Variants in EIF3K observed in about 807,000 individuals in gnomAD.
The protein encoded by EIF3K is eukaryotic translation initiation factor 3 subunit K.
Under a neutral mutation model 34.2 loss-of-function variants are expected in EIF3K, and 27 were observed. The ratio of observed to expected loss-of-function variants is 0.79; its 90% CI spans 0.58 to 1.09. The LOEUF (loss-of-function observed/expected upper bound fraction) is 1.09, where lower values mean the gene tolerates loss of function less well. EIF3K is among the 50% of genes least tolerant of loss of function. The pLI, the probability that EIF3K is intolerant of heterozygous loss-of-function variation, is 0.00. For synonymous variants in EIF3K, 105 were observed against 105.7 expected (o/e 0.99, Z 0.04); for missense variants, 232 against 275.4 (o/e 0.84, Z 1.11).
chr19:38,635,209 C>T, intron 7 of EIF3K, 91 bp downstream of exon 7: 1 of 1,568,998 alleles, frequency 6.4e-7, no homozygotes, highest in South Asian at 1.1e-5. Flanking sequence ...CTGGGTAGAT[C>T]TGCTCGTGTT....
intron 7 of EIF3K, 160 bp downstream of exon 7, chr19:38,635,278 C>A: frequency 9.6e-7 from 1 of 1,040,300 alleles, no homozygotes. Context: ...GGGGCTCCCG[C>A]CCAGGAGGAA....
At chr19:38,624,266 G>C in intron 3 of EIF3K, 69 bp downstream of exon 3, 1 of 1,603,070 alleles carries the variant, frequency 6.2e-7, no homozygotes, top group Non-Finnish European at 8.5e-7. Context: ...TGAATTCCCA[G>C]GGAGATGGTC....
rs573299190 is a variant in EIF3K at position 38,630,211 on chromosome 19, T to G, written c.355-2219T>G. Among the ~76,000 whole-genome samples, 5 of 151,748 alleles carry G rather than the reference T, an allele frequency of 3.3e-5. No individual in the cohort carries two copies. In the East Asian group the frequency reaches 9.7e-4, roughly 29 times the overall value. Reference sequence around the variant, plus strand: ...CTCTGTCGCCCAGGCTAGAGTGCAGTGATATGATCTTGGCTCGCTGCAACC... The same window carrying G: ...CTCTGTCGCCCAGGCTAGAGTGCAGGGATATGATCTTGGCTCGCTGCAACC... On this transcript the variant is annotated intron_variant, in intron 4 of 7. Transcript: ENST00000248342.
At chr19:38,633,629 C>T (rs61231902) in intron 6 of EIF3K, among the ~76,000 whole-genome samples, 81 of 148,958 alleles carry the variant, frequency 5.4e-4, no homozygotes, top group African/African-American at 1.3e-3. Flanking sequence ...ACGCAGGAGG[C>T]GGAGGTTGCA....
At chr19:38,621,903 C>CTTTTTTTTTTTT (rs914363057) in intron 2 of EIF3K, among the ~76,000 whole-genome samples, 1 of 111,478 alleles carries the variant, frequency 9.0e-6, no homozygotes, top group South Asian at 3.0e-4. Context: ...TCTTCGTGCC[C>CTTTTTTTTTTTT]TTTTTTTTTT....
chr19:38,633,472 C>T (rs1976115419), intron 6 of EIF3K, among the ~76,000 whole-genome samples: 3 of 151,978 alleles, frequency 2.0e-5, no homozygotes, highest in Non-Finnish European at 2.9e-5. Flanking sequence ...CCGAGGTGGG[C>T]GGATCATCTG....
intron 3 of EIF3K, among the ~76,000 whole-genome samples, chr19:38,625,099 T>C (rs954412368): frequency 1.3e-5 from 2 of 151,986 alleles, no homozygotes; most frequent in African/African-American, 4.8e-5. Flanking sequence ...CTTTCAGGAA[T>C]GGTAGAGGAA....
chr19:38,632,185 G>A (rs113826334), intron 4 of EIF3K: 5,784 of 478,394 alleles, frequency 0.012, 188 homozygotes, highest in African/African-American at 0.083. Flanking sequence ...AGAGGCCAGC[G>A]TGGGCAGATC....
chr19:38,627,407 G>A (rs929272877), intron 4 of EIF3K, among the ~76,000 whole-genome samples: 30 of 151,656 alleles, frequency 2.0e-4, no homozygotes, highest in African/African-American at 7.2e-4. Flanking sequence ...CTCAACGCCT[G>A]TAATCCCAGC....
Position 38,634,981 on chromosome 19 carries a change from T to C in EIF3K, c.500-12T>C. The C allele has an allele frequency of 6.2e-7, 1 of 1,613,882 alleles. No homozygotes were observed. Among genetic ancestry groups the C allele is most frequent in the East Asian group, 2.2e-5 (1 of 44,884 alleles). On this transcript the variant is annotated splice_polypyrimidine_tract_variant and intron_variant, in intron 6 of 7. Coordinates refer to ENST00000248342, the MANE Select transcript of EIF3K (RefSeq NM_013234.4). Reference sequence around the variant, plus strand: ...GCTGACTGAAGCCCCTTGCTGCCCCTGTCACCTGCAGACAGCCAGCTAAAG... The same window carrying C: ...GCTGACTGAAGCCCCTTGCTGCCCCCGTCACCTGCAGACAGCCAGCTAAAG...
intron 6 of EIF3K, 51 bp from the exon 7 acceptor site, chr19:38,634,942 A>G (rs1976156485): frequency 6.2e-7 from 1 of 1,611,844 alleles, no homozygotes; most frequent in Admixed American, 1.7e-5. Flanking sequence ...AGTCCCCTGG[A>G]ACTGTGGGAT....
rs370810780 is a variant in EIF3K, at chr19:38,632,503, C to T, written c.421+7C>T. On this transcript the variant is annotated splice_region_variant and intron_variant, in intron 5 of 7. Coordinates refer to ENST00000248342, the MANE Select transcript of EIF3K (RefSeq NM_013234.4). Reference sequence around the variant, plus strand: ...GAAGACTCTGTCCGAAAGTGTAAGTCCCTCTCTGAGGCTGGGCTCCCCAAG... The same window carrying T: ...GAAGACTCTGTCCGAAAGTGTAAGTTCCTCTCTGAGGCTGGGCTCCCCAAG... The T allele has an allele frequency of 6.6e-5, 106 of 1,613,996 alleles. No homozygotes were observed. The highest frequency in any genetic ancestry group is 8.3e-5 in the Non-Finnish European group (98 of 1,179,978).
At chr19:38,622,972 A>G (rs377640791) in intron 2 of EIF3K, among the ~76,000 whole-genome samples, 12 of 152,302 alleles carry the variant, frequency 7.9e-5, no homozygotes, top group African/African-American at 2.9e-4. Context: ...CAGGGTGCCC[A>G]CATTTCATAT....
chr19:38,622,805 G>T lies in EIF3K; in HGVS notation c.159-1272G>T, dbSNP rs534057691. ...CCTAGGTGCGCATTCTCTTTCTCAG[G>T]GACGTTCCATGCTGAGAAAAAGAAT... On this transcript the variant is annotated intron_variant, in intron 2 of 7. Coordinates refer to ENST00000248342, the MANE Select transcript of EIF3K (RefSeq NM_013234.4). 2.6e-5 allele frequency among the ~76,000 whole-genome samples: 4 copies of T among 152,336 alleles called. No homozygotes were observed. In the East Asian group the frequency reaches 7.7e-4, roughly 29 times the overall value.
intron 2 of EIF3K, among the ~76,000 whole-genome samples, chr19:38,623,161 G>C (rs1975879716): frequency 6.6e-6 from 1 of 152,202 alleles, no homozygotes; most frequent in African/African-American, 2.4e-5. Context: ...TACAATTTAT[G>C]TTTAGAGATT....
chr19:38,626,311 C>T, intron 4 of EIF3K: 1 of 593,854 alleles, frequency 1.7e-6, no homozygotes, highest in Non-Finnish European at 3.0e-6. Context: ...GACCCTTTCC[C>T]CTTTCTCCCA....
chr19:38,619,980 G>T (rs559542417), intron 1 of EIF3K, among the ~76,000 whole-genome samples: 1 of 152,288 alleles, frequency 6.6e-6, no homozygotes, highest in Non-Finnish European at 1.5e-5. Flanking sequence ...GGCAGGAGAG[G>T]ATGGGGCTGG....
intron 4 of EIF3K, among the ~76,000 whole-genome samples, chr19:38,630,345 TTA>T (rs373873831): frequency 3.6e-4 from 53 of 145,684 alleles, no homozygotes; most frequent in African/African-American, 5.2e-4. Context: ...ATTTATTTAT[TTA>T]TTTTTTTTTT....
Position 38,619,217 on chromosome 19 carries a change from G to C in EIF3K, c.-52G>C. On this transcript the variant is annotated 5_prime_UTR_variant, in exon 1 of 8. Coordinates refer to ENST00000248342, the MANE Select transcript of EIF3K (RefSeq NM_013234.4). ...TCCTGTTCCCGTCCTTGAGGACGCC[G>C]TGCCGGGTCAGTGTTAGCCTCCAGC... The C allele has an allele frequency of 6.3e-7, 1 of 1,597,224 alleles. No homozygotes were observed. Among genetic ancestry groups the C allele is most frequent in the East Asian group, 2.3e-5 (1 of 44,372 alleles).
Sources: allele counts gnomAD v4.1 joint callset (sites outside exome capture counted in the v4.1 genomes callset), GRCh38; gene constraint gnomAD v4.1.1; transcripts MANE v1.5; gene names NCBI Gene and HGNC (gene_info 2026-07-23, HGNC 2026-07-21).